The following POU2AF1 variants were observed in gnomAD, a reference collection of about 807,000 sequenced individuals.
The protein encoded by POU2AF1 is POU domain class 2-associating factor 1.
A neutral mutation model predicts 26.3 loss-of-function variants in POU2AF1; 12 were observed. The ratio of observed to expected loss-of-function variants is 0.46; its 90% CI spans 0.29 to 0.74. The LOEUF (loss-of-function observed/expected upper bound fraction) is 0.74. Among genes scored for constraint, POU2AF1 ranks in the 30% least tolerant of loss-of-function variants. The pLI is 0.09. For missense variants in POU2AF1, 297 were observed against 334.5 expected (o/e 0.89, Z 0.87); for synonymous variants, 175 against 148.0 (o/e 1.18, Z -1.32).
intron 1 of POU2AF1, among the ~76,000 whole-genome samples, chr11:111,368,594 T>C (rs1476760028): frequency 1.3e-5 from 2 of 152,230 alleles, no homozygotes; most frequent in African/African-American, 4.8e-5. Flanking sequence ...AGTCATAACC[T>C]GCCTCCATCT....
At chr11:111,360,645 A>T (rs1297795651) in intron 1 of POU2AF1, among the ~76,000 whole-genome samples, 1 of 152,196 alleles carries the variant, frequency 6.6e-6, no homozygotes, top group Admixed American at 6.5e-5. Flanking sequence ...GCTCCAGGAA[A>T]GTCTGATTCT....
chr11:111,377,451 C>T (rs1447976388), intron 1 of POU2AF1, among the ~76,000 whole-genome samples: 5 of 152,004 alleles, frequency 3.3e-5, no homozygotes, highest in Admixed American at 6.6e-5. Flanking sequence ...AAATGTACTA[C>T]AGAACCAAGA....
chr11:111,370,429 G>C (rs1193372252), intron 1 of POU2AF1, among the ~76,000 whole-genome samples: 1 of 152,152 alleles, frequency 6.6e-6, no homozygotes, highest in Non-Finnish European at 1.5e-5. Flanking sequence ...GCCACTCACT[G>C]CCACTCTCTG....
chr11:111,374,436 C>G (rs1435995930), intron 1 of POU2AF1, among the ~76,000 whole-genome samples: 2 of 152,220 alleles, frequency 1.3e-5, no homozygotes, highest in African/African-American at 4.8e-5. Flanking sequence ...GTGGTTCACA[C>G]CTGTAATCCC....
intron 1 of POU2AF1, among the ~76,000 whole-genome samples, chr11:111,368,771 T>C (rs1861153865): frequency 6.6e-6 from 1 of 152,232 alleles, no homozygotes; most frequent in Non-Finnish European, 1.5e-5. Flanking sequence ...AACCATTGTG[T>C]GCCTCAGTTT....
intron 4 of POU2AF1, among the ~76,000 whole-genome samples, chr11:111,356,335 G>C (rs746600076): frequency 1.1e-4 from 17 of 152,186 alleles, no homozygotes; most frequent in Non-Finnish European, 1.8e-4. Flanking sequence ...AAATTGGTTT[G>C]CTGGGTAGGC....
intron 1 of POU2AF1, among the ~76,000 whole-genome samples, chr11:111,368,654 C>T (rs12419617): frequency 0.026 from 3,885 of 152,338 alleles, 160 homozygotes; most frequent in Admixed American, 0.12. Flanking sequence ...CAGTGCAACA[C>T]TAAAATCCTT....
Position 111,353,835 on chromosome 11 carries a change from T to C in POU2AF1, c.*426A>G, listed in dbSNP as rs1156317527. 2 of 276,712 alleles carry C rather than the reference T, an allele frequency of 7.2e-6. No individual in the cohort carries two copies. Among genetic ancestry groups the C allele is most frequent in the East Asian group, 6.0e-5 (1 of 16,740 alleles). 17.1% of individuals were successfully genotyped at this position (276,712 alleles called of 1,614,324 possible). A position where few individuals can be genotyped will look rare whatever the true frequency, so the allele number is the denominator to read the frequency against. On this transcript the variant is annotated 3_prime_UTR_variant, in exon 5 of 5. Transcript: ENST00000393067. Reference sequence around the variant, plus strand: ...TAAAATGTTATTGCTAAAATCCCTATAATTACCTCCCAAAATGGAACAGAA... The same window carrying C: ...TAAAATGTTATTGCTAAAATCCCTACAATTACCTCCCAAAATGGAACAGAA...
rs1348438913 is a variant in POU2AF1, at chr11:111,352,642, C to T, written c.*1619G>A. On this transcript the variant is annotated 3_prime_UTR_variant, in exon 5 of 5. Transcript: ENST00000393067. ...ACGCTTTTAAGACACTAAAGAAACC[C>T]ACATGGTAAAAGGCTGGGTGCGGTG... is the stretch of plus-strand genomic sequence containing the variant. 2 of 177,520 alleles carry T rather than the reference C, an allele frequency of 1.1e-5. No individual in the cohort carries two copies. The highest frequency in any genetic ancestry group is 6.3e-5 in the Admixed American group (1 of 15,812). 11.0% of individuals were successfully genotyped at this position (177,520 alleles called of 1,614,324 possible). A position where few individuals can be genotyped will look rare whatever the true frequency, so the allele number is the denominator to read the frequency against.
Position 111,354,350 on chromosome 11 carries a change from T to C in POU2AF1, c.682A>G (p.Ser228Gly). ...QDMEDPRRAA[S>G]SLTIDKLLLE... ...AGCAGCTTGTCGATGGTCAACGAGC[T>C]GGCGGCTCTTCTGGGGTCTTCCATG... The change falls in exon 5 of 5, where the codon AGC becomes GGC. Residue 228 changes from serine (S) to glycine (G), a missense_variant. Coordinates refer to ENST00000393067, the MANE Select transcript of POU2AF1 (RefSeq NM_006235.3). The C allele has an allele frequency of 6.2e-7, 1 of 1,614,248 alleles. No homozygotes were observed. Among genetic ancestry groups the C allele is most frequent in the Non-Finnish European group, 8.5e-7 (1 of 1,180,040 alleles).
intron 1 of POU2AF1, among the ~76,000 whole-genome samples, chr11:111,375,886 G>C: frequency 6.6e-6 from 1 of 152,086 alleles, no homozygotes; most frequent in Middle Eastern, 3.4e-3. Flanking sequence ...ATGATAGACA[G>C]AGCTGTGTTC....
intron 1 of POU2AF1, among the ~76,000 whole-genome samples, chr11:111,373,725 G>C (rs964138677): frequency 1.5e-5 from 2 of 137,174 alleles, no homozygotes; most frequent in Non-Finnish European, 3.1e-5. Context: ...CTGTAGAATG[G>C]AAAGTAAAAC....
At chr11:111,370,565 G>T (rs936670415) in intron 1 of POU2AF1, among the ~76,000 whole-genome samples, 2 of 152,170 alleles carry the variant, frequency 1.3e-5, no homozygotes, top group African/African-American at 4.8e-5. Context: ...AGTGAGAATG[G>T]CAGGGAAATG....
At chr11:111,367,377 A>C (rs1389768841) in intron 1 of POU2AF1, among the ~76,000 whole-genome samples, 2 of 152,148 alleles carry the variant, frequency 1.3e-5, no homozygotes, top group African/African-American at 4.8e-5. Flanking sequence ...AGAGATTTTG[A>C]CACTAATGAT....
rs951090518 is a variant in POU2AF1 at position 111,354,649 on chromosome 11, G to A, written c.457-74C>T. The A allele has an allele frequency of 7.1e-6, 9 of 1,267,790 alleles. No individual in the cohort carries two copies. The African/African-American group carries it at 7.6e-5, about 11-fold the overall frequency. The allele number at this position is 1,267,790 out of a possible 1,614,324, so 78.5% of individuals were successfully genotyped here. A position where few individuals can be genotyped will look rare whatever the true frequency, so the allele number is the denominator to read the frequency against. ...ATCCACCCATCCTTGCCCTTAGAGG[G>A]GTCTCCATCTCCCCCTTCAATTCTG... On this transcript the variant is annotated intron_variant, in intron 4 of 4. Coordinates refer to ENST00000393067, the MANE Select transcript of POU2AF1 (RefSeq NM_006235.3).
At chr11:111,378,947 C>T (rs541907148) in intron 1 of POU2AF1, among the ~76,000 whole-genome samples, 1 of 152,292 alleles carries the variant, frequency 6.6e-6, no homozygotes, top group East Asian at 1.9e-4. Context: ...TCCCCTCCAG[C>T]CTGGAAAATC....
intron 1 of POU2AF1, among the ~76,000 whole-genome samples, chr11:111,366,697 C>T (rs1425250201): frequency 1.3e-5 from 2 of 152,134 alleles, no homozygotes; most frequent in Non-Finnish European, 2.9e-5. Context: ...TTCCCCAGAC[C>T]TAGGCAAGCC....
chr11:111,362,969 GGAAA>G, intron 1 of POU2AF1: 1 of 231,274 alleles, frequency 4.3e-6, no homozygotes, highest in South Asian at 1.6e-4. Flanking sequence ...ACACTTGGCT[GGAAA>G]GGGACCAGCT....
Position 111,379,166 on chromosome 11 carries a change from T to A in POU2AF1, c.12A>T (p.Gln4His). MLWQKPTAPEQAPA... is the reference protein window; with the variant it reads MLWHKPTAPEQAPA... ...AGCCACAGCCAAACCACTTACGTTT[T>A]TGCCAGAGCATGGCCTGTGACAGGA... is the stretch of plus-strand genomic sequence containing the variant. The change falls in exon 1 of 5, where the codon CAA (glutamine) becomes CAT (histidine). Residue 4 changes from glutamine to histidine, a missense_variant. Coordinates refer to ENST00000393067, the MANE Select transcript of POU2AF1 (RefSeq NM_006235.3). 1 of 1,614,160 alleles carries A rather than the reference T, an allele frequency of 6.2e-7. No individual in the cohort carries two copies. The highest frequency in any genetic ancestry group is 8.5e-7 in the Non-Finnish European group (1 of 1,180,000).
Sources: allele counts gnomAD v4.1 joint callset (sites outside exome capture counted in the v4.1 genomes callset), GRCh38; gene constraint gnomAD v4.1.1; transcripts MANE v1.5; gene names NCBI Gene and HGNC (gene_info 2026-07-23, HGNC 2026-07-21).